Variants in AASDH observed in about 807,000 individuals in gnomAD.
AASDH encodes the protein aminoadipate-semialdehyde dehydrogenase, also known as beta-alanine-activating enzyme.
Under a neutral mutation model 102.3 loss-of-function variants are expected in AASDH, and 81 were observed. That is an observed-to-expected ratio of 0.79 (90% CI 0.66 to 0.95). The LOEUF (loss-of-function observed/expected upper bound fraction) is 0.95. Among genes scored for constraint, AASDH ranks in the 40% least tolerant of loss-of-function variants. The probability of loss-of-function intolerance (pLI) is 0.00; values close to 1 mark genes in which losing one functional copy is unlikely to be tolerated. For synonymous variants in AASDH, 398 were observed against 454.0 expected, an observed-to-expected ratio of 0.88 and a Z score of 1.57; for missense variants, 1,203 against 1,266.2, an observed-to-expected ratio of 0.95 and a Z score of 0.76.
At chr4:56,386,520 G>A (rs1285949529) in intron 1 of AASDH, among the ~76,000 whole-genome samples, 2 of 152,108 alleles carry the variant, frequency 1.3e-5, no homozygotes, top group South Asian at 2.1e-4. Flanking sequence ...AAGGCCGGGC[G>A]CGGTGGCTCA....
chr4:56,383,152 G>A (rs1485400866), intron 2 of AASDH, among the ~76,000 whole-genome samples: 1 of 137,064 alleles, frequency 7.3e-6, no homozygotes, highest in Non-Finnish European at 1.7e-5. Context: ...TTAATATAGA[G>A]AAATACAAGA....
chr4:56,355,002 G>T, intron 6 of AASDH, among the ~76,000 whole-genome samples, 180 bp downstream of exon 6: 1 of 152,194 alleles, frequency 6.6e-6, no homozygotes, highest in East Asian at 1.9e-4. Context: ...AGTACAAAAA[G>T]TTGCAGCAGT....
chr4:56,382,218 T>C, intron 3 of AASDH: 2 of 336,124 alleles, frequency 6.0e-6, no homozygotes, highest in South Asian at 6.6e-5. Flanking sequence ...CAATTGGCAA[T>C]GTCTGGAGAT....
At position 56,338,807 on chromosome 4, in the gene AASDH, A is replaced by AAAAT. The variant is rs772084979; in HGVS notation, c.2908-20_2908-17dup. 14 of 1,605,084 alleles carry AAAAT rather than the reference A, an allele frequency of 8.7e-6. No individual in the cohort carries two copies. Among genetic ancestry groups the AAAAT allele is most frequent in the East Asian group, 2.2e-5 (1 of 44,600 alleles). On this transcript the variant is annotated splice_polypyrimidine_tract_variant and intron_variant, in intron 14 of 14. Coordinates refer to ENST00000205214, the MANE Select transcript of AASDH (RefSeq NM_181806.4). ...ACTGCCAAACCTATAACAAGTAATA[A>AAAAT]AAATAAATATAATTCATTCATCTAA...
chr4:56,385,498 TCA>T (rs796387375), intron 1 of AASDH, among the ~76,000 whole-genome samples: 9 of 152,312 alleles, frequency 5.9e-5, no homozygotes, highest in African/African-American at 1.4e-4. Flanking sequence ...TAAAAAAAAT[TCA>T]CAGTGTTTCC....
chr4:56,339,257 G>A (rs1247851899), intron 14 of AASDH, among the ~76,000 whole-genome samples: 4 of 151,764 alleles, frequency 2.6e-5, no homozygotes, highest in East Asian at 2.0e-4. Flanking sequence ...AGGTTGAAGC[G>A]CTTCTCCCGC....
intron 14 of AASDH, among the ~76,000 whole-genome samples, chr4:56,341,722 T>C (rs555920740): frequency 8.1e-4 from 123 of 151,860 alleles, no homozygotes; most frequent in Non-Finnish European, 1.4e-3. Flanking sequence ...TTATCTTAAG[T>C]GAAATTAAGC....
At chr4:56,371,693 C>G (rs1206930676) in intron 4 of AASDH, 50 bp from the exon 5 acceptor site, 55 of 1,489,902 alleles carry the variant, frequency 3.7e-5, no homozygotes, top group Non-Finnish European at 4.8e-5. Flanking sequence ...ATTCAGTAAG[C>G]ACATATCCTA....
chr4:56,384,996 C>T (rs567989805), intron 1 of AASDH, among the ~76,000 whole-genome samples: 4 of 152,172 alleles, frequency 2.6e-5, no homozygotes, highest in Non-Finnish European at 2.9e-5. Context: ...ATCACTTGAA[C>T]CCAGGAGGCA....
At chr4:56,381,649 T>TCTCACACACACACACACACACACACACA (rs3223650) in intron 3 of AASDH, 4 of 142,374 alleles carry the variant, frequency 2.8e-5, no homozygotes, top group African/African-American at 8.0e-5. Flanking sequence ...TTGACACTTC[T>TCTCACACACACACACACACACACACACA]CACACACACA....
chr4:56,340,416 A>G (rs1577946683), intron 14 of AASDH, among the ~76,000 whole-genome samples: 1 of 152,192 alleles, frequency 6.6e-6, no homozygotes, highest in Admixed American at 6.5e-5. Flanking sequence ...AAAATACACA[A>G]TGGGGAATGG....
chr4:56,382,777 G>A (rs576187331), intron 2 of AASDH, among the ~76,000 whole-genome samples, 180 bp from the exon 3 acceptor site: 8 of 152,280 alleles, frequency 5.3e-5, no homozygotes, highest in Admixed American at 1.3e-4. Flanking sequence ...GGTAATAAAC[G>A]CTGTCATTTT....
chr4:56,339,378 C>G (rs1331187423), intron 14 of AASDH, among the ~76,000 whole-genome samples: 1 of 151,988 alleles, frequency 6.6e-6, no homozygotes, highest in East Asian at 2.0e-4. Flanking sequence ...ATCTCCTGAC[C>G]TCGTGATCCG....
intron 5 of AASDH, among the ~76,000 whole-genome samples, chr4:56,360,374 T>A (rs1750153175): frequency 6.6e-6 from 1 of 152,188 alleles, no homozygotes. Context: ...TACTTCAAGA[T>A]CATCATTTCC....
chr4:56,345,856 C>T (rs1405014747), intron 11 of AASDH, among the ~76,000 whole-genome samples: 1 of 152,172 alleles, frequency 6.6e-6, no homozygotes, highest in African/African-American at 2.4e-5. Flanking sequence ...TTCATTTAAT[C>T]CCCACAGTGA....
chr4:56,363,847 C>T (rs1404855689), intron 5 of AASDH, among the ~76,000 whole-genome samples: 1 of 152,170 alleles, frequency 6.6e-6, no homozygotes, highest in Non-Finnish European at 1.5e-5. Context: ...AGCTCCTCAC[C>T]AGCAATGGAA....
chr4:56,361,054 G>A (rs1750228224), intron 5 of AASDH, among the ~76,000 whole-genome samples: 1 of 152,114 alleles, frequency 6.6e-6, no homozygotes, highest in Admixed American at 6.6e-5. Flanking sequence ...AACTTCTGGT[G>A]TTAAGTATAA....
At chr4:56,356,967 T>C (rs1369248589) in intron 5 of AASDH, 14 of 475,968 alleles carry the variant, frequency 2.9e-5, no homozygotes, top group Non-Finnish European at 4.9e-5. Flanking sequence ...ATAAAAATAA[T>C]TAAAATAATA....
At chr4:56,374,367 CAG>C (rs1491035500) in intron 4 of AASDH, among the ~76,000 whole-genome samples, 2 of 110,216 alleles carry the variant, frequency 1.8e-5, no homozygotes, top group African/African-American at 3.3e-5. Context: ...GACTCTGTCT[CAG>C]AAAAAAAAAA....
Sources: gnomAD v4.1 joint callset for allele counts (sites outside exome capture counted in the v4.1 genomes callset) on GRCh38, gnomAD v4.1.1 for gene constraint, MANE v1.5 for transcripts, NCBI Gene and HGNC (gene_info 2026-07-23, HGNC 2026-07-21) for gene names.